The following RBFOX1 variants were observed in gnomAD, a reference collection of about 807,000 sequenced individuals.
RBFOX1 encodes the protein RNA binding protein fox-1 homolog 1.
A neutral mutation model predicts 57.7 loss-of-function variants in RBFOX1; 8 were observed. The observed-to-expected ratio is 0.14, with a 90% CI of 0.08 to 0.25. RBFOX1 has a LOEUF of 0.25. RBFOX1 is among the 10% of genes least tolerant of loss of function. RBFOX1 has a pLI of 1.00. For missense variants in RBFOX1, 611 were observed against 548.5 expected, an observed-to-expected ratio of 1.11 and a Z score of -1.14; for synonymous variants, 326 against 222.4, an observed-to-expected ratio of 1.47 and a Z score of -4.15.
Position 6,722,684 on chromosome 16 carries a change from C to T in RBFOX1, c.-16+68034C>T, listed in dbSNP as rs144297039. Among the ~76,000 whole-genome samples, 359 of 152,328 alleles carry T rather than the reference C, an allele frequency of 2.4e-3. 2 individuals are homozygous for T. Among genetic ancestry groups the T allele is most frequent in the Middle Eastern group, 0.017 (5 of 294 alleles). On this transcript the variant is annotated intron_variant, in intron 3 of 15. Transcript: ENST00000550418. ...AATATGGCTAAAATTCTGTGTCTCT[C>T]TTGCAGTTGCACAACCCATAATTAA...
At chr16:7,454,308 C>G (rs746848020) in intron 4 of RBFOX1, among the ~76,000 whole-genome samples, 9 of 152,150 alleles carry the variant, frequency 5.9e-5, no homozygotes, top group African/African-American at 2.2e-4. Flanking sequence ...TGCCCAGGAT[C>G]GGTAGACAGA....
At chr16:7,000,981 T>C (rs1596534927) in intron 3 of RBFOX1, among the ~76,000 whole-genome samples, 1 of 152,148 alleles carries the variant, frequency 6.6e-6, no homozygotes, top group Admixed American at 6.5e-5. Flanking sequence ...TTTGGAAATT[T>C]TTATCAGTCA....
chr16:7,111,617 T>TC (rs1343200051), intron 4 of RBFOX1, among the ~76,000 whole-genome samples: 1 of 152,022 alleles, frequency 6.6e-6, no homozygotes. Context: ...ATCCTGGGAG[T>TC]CTTAGGAGTA....
chr16:6,467,451 C>A (rs1414010404), intron 2 of RBFOX1, among the ~76,000 whole-genome samples: 2 of 151,942 alleles, frequency 1.3e-5, no homozygotes, highest in Non-Finnish European at 2.9e-5. Flanking sequence ...TATGTCCAGG[C>A]AAGGTGACTT....
chr16:6,199,634 G>C lies in RBFOX1; in HGVS notation c.-126-117361G>C, dbSNP rs564073677. ...ATTAACTAAATAATACTTACCTGAT[G>C]CAGATAATTTAAGTTGTCTACATAT... is the stretch of plus-strand genomic sequence containing the variant. On this transcript the variant is annotated intron_variant, in intron 1 of 15. Transcript: ENST00000550418. Among the ~76,000 whole-genome samples, 9 of 152,290 alleles carry C rather than the reference G, an allele frequency of 5.9e-5. No individual in the cohort carries two copies. In the South Asian group the frequency reaches 8.3e-4, roughly 14 times the overall value.
intron 3 of RBFOX1, among the ~76,000 whole-genome samples, chr16:6,977,114 C>T (rs921075789): frequency 7.3e-6 from 1 of 136,080 alleles, no homozygotes; most frequent in Non-Finnish European, 1.6e-5. Flanking sequence ...TATATATGAT[C>T]TATATTATCA....
At chr16:6,395,899 C>G (rs2092809907) in intron 2 of RBFOX1, among the ~76,000 whole-genome samples, 1 of 151,714 alleles carries the variant, frequency 6.6e-6, no homozygotes, top group South Asian at 2.1e-4. Context: ...AACCCCGTCT[C>G]TGCTAAAATA....
At chr16:6,444,523 C>T (rs1169330456) in intron 2 of RBFOX1, among the ~76,000 whole-genome samples, 1 of 152,166 alleles carries the variant, frequency 6.6e-6, no homozygotes, top group Non-Finnish European at 1.5e-5. Context: ...CCTGCACAAG[C>T]TCTCTCTCTT....
chr16:6,547,299 A>T (rs1473325005), intron 2 of RBFOX1, among the ~76,000 whole-genome samples: 1 of 152,160 alleles, frequency 6.6e-6, no homozygotes. Flanking sequence ...TTATAATCAC[A>T]TTCCCAACAA....
chr16:6,121,959 G>A (rs1392816658), intron 1 of RBFOX1, among the ~76,000 whole-genome samples: 3 of 152,156 alleles, frequency 2.0e-5, no homozygotes, highest in African/African-American at 7.2e-5. Context: ...AGGCTGGAGT[G>A]CAGTGGCATG....
At chr16:7,463,808 T>C (rs924529828) in intron 4 of RBFOX1, among the ~76,000 whole-genome samples, 3 of 152,208 alleles carry the variant, frequency 2.0e-5, no homozygotes, top group Non-Finnish European at 4.4e-5. Flanking sequence ...ACAGCTGCTA[T>C]TTTTTAAATG....
At chr16:7,064,165 T>C (rs2055332466) in intron 4 of RBFOX1, among the ~76,000 whole-genome samples, 2 of 117,778 alleles carry the variant, frequency 1.7e-5, no homozygotes, top group African/African-American at 7.4e-5. Context: ...GGTGTTCTTT[T>C]TTTTTTTTTT....
rs2068831646 is a variant in RBFOX1, at chr16:5,462,736, T to G, written c.220-4480T>G. 2.6e-5 allele frequency among the ~76,000 whole-genome samples: 4 copies of G among 152,270 alleles called. No individual in the cohort carries two copies. The South Asian group carries it at 8.3e-4, about 32-fold the overall frequency. ...GAATTGGTGTCTCCACACTAAGGGC[T>G]CTGGACTGTGGTCCCCTGGGGACAT... On this transcript the variant is annotated intron_variant, in intron 1 of 2. Coordinates refer to the RBFOX1 transcript ENST00000585867.
intron 2 of RBFOX1, among the ~76,000 whole-genome samples, chr16:6,530,042 G>C (rs2096634932): frequency 6.6e-6 from 1 of 152,126 alleles, no homozygotes; most frequent in African/African-American, 2.4e-5. Flanking sequence ...TTTCAAAGTA[G>C]CTATTTTACA....
chr16:6,221,515 G>A (rs1293210730), intron 1 of RBFOX1, among the ~76,000 whole-genome samples: 1 of 152,160 alleles, frequency 6.6e-6, no homozygotes, highest in Admixed American at 6.6e-5. Context: ...TTCAATATGA[G>A]TCAGTATTCC....
chr16:6,750,273 T>C (rs2074666865), intron 3 of RBFOX1, among the ~76,000 whole-genome samples: 1 of 152,240 alleles, frequency 6.6e-6, no homozygotes, highest in African/African-American at 2.4e-5. Flanking sequence ...AAGTCATTTG[T>C]ATTGAATCAT....
At chr16:6,577,351 G>C (rs911067235) in intron 2 of RBFOX1, 1 of 152,168 alleles carries the variant, frequency 6.6e-6, no homozygotes, top group Non-Finnish European at 1.5e-5. Context: ...AGATTTTGGA[G>C]CAATAATGCT....
chr16:7,076,524 A>G (rs995868629), intron 4 of RBFOX1, among the ~76,000 whole-genome samples: 3 of 152,202 alleles, frequency 2.0e-5, no homozygotes, highest in East Asian at 1.9e-4. Flanking sequence ...AAATAATGCC[A>G]TATCCCTTCT....
At chr16:5,534,884 C>G (rs565347019) in intron 2 of RBFOX1, among the ~76,000 whole-genome samples, 12 of 152,284 alleles carry the variant, frequency 7.9e-5, no homozygotes, top group African/African-American at 2.9e-4. Context: ...AAGAAAGATG[C>G]TACAGATATG....
Sources: allele counts gnomAD v4.1 joint callset (sites outside exome capture counted in the v4.1 genomes callset), GRCh38; gene constraint gnomAD v4.1.1; transcripts MANE v1.5; gene names NCBI Gene and HGNC (gene_info 2026-07-23, HGNC 2026-07-21).